ARL15: variants seen among roughly 807,000 people sequenced by gnomAD.
The protein encoded by ARL15 is ADP-ribosylation factor-like protein 15.
A neutral mutation model predicts 25.2 loss-of-function variants in ARL15; 19 were observed. The observed-to-expected ratio is 0.75, with a 90% CI of 0.53 to 1.10. The LOEUF (loss-of-function observed/expected upper bound fraction) is 1.10, where lower values mean the gene tolerates loss of function less well. ARL15 is among the 50% of genes least tolerant of loss of function. ARL15 has a pLI of 0.00. For missense variants in ARL15, 220 were observed against 246.0 expected (o/e 0.89, Z 0.71); for synonymous variants, 94 against 86.8 (o/e 1.08, Z -0.46).
At chr5:53,952,288 G>T (rs547590514) in intron 4 of ARL15, among the ~76,000 whole-genome samples, 5 of 152,128 alleles carry the variant, frequency 3.3e-5, no homozygotes, top group African/African-American at 1.2e-4. Flanking sequence ...AAACAAAAAA[G>T]AAGAGAGTGA....
At chr5:54,211,467 C>CAT in intron 1 of ARL15, among the ~76,000 whole-genome samples, 1 of 119,616 alleles carries the variant, frequency 8.4e-6, no homozygotes, top group Non-Finnish European at 1.7e-5. Context: ...AAATGAAACA[C>CAT]TTTTTTTTTT....
At chr5:53,914,475 C>G (rs1362819139) in intron 4 of ARL15, among the ~76,000 whole-genome samples, 1 of 152,204 alleles carries the variant, frequency 6.6e-6, no homozygotes, top group Non-Finnish European at 1.5e-5. Flanking sequence ...CACTTCCCTT[C>G]TTTGTTTTCC....
chr5:54,283,242 G>C (rs1758103082), intron 1 of ARL15, among the ~76,000 whole-genome samples: 1 of 152,180 alleles, frequency 6.6e-6, no homozygotes, highest in Non-Finnish European at 1.5e-5. Flanking sequence ...GACCCATTCT[G>C]CCAAAGGCTC....
intron 4 of ARL15, among the ~76,000 whole-genome samples, chr5:54,062,234 A>G (rs1751090346): frequency 6.6e-6 from 1 of 152,200 alleles, no homozygotes; most frequent in African/African-American, 2.4e-5. Flanking sequence ...GCCTTGTCTC[A>G]AATGAGGCTT....
At chr5:54,223,775 A>G (rs982519531) in intron 1 of ARL15, among the ~76,000 whole-genome samples, 3 of 152,176 alleles carry the variant, frequency 2.0e-5, no homozygotes, top group Non-Finnish European at 4.4e-5. Context: ...ATCTACCTCC[A>G]CGGTCTGTCT....
intron 1 of ARL15, among the ~76,000 whole-genome samples, chr5:54,218,382 A>G (rs1756275761): frequency 6.6e-6 from 1 of 152,188 alleles, no homozygotes; most frequent in Non-Finnish European, 1.5e-5. Flanking sequence ...GCTCCTACAG[A>G]CAAATCTCCT....
chr5:53,987,478 T>C (rs1748334770), intron 4 of ARL15, among the ~76,000 whole-genome samples: 1 of 136,788 alleles, frequency 7.3e-6, no homozygotes, highest in African/African-American at 2.6e-5. Flanking sequence ...CCTTTCACTT[T>C]TTTTTTTTTT....
At chr5:53,951,847 ATTTTTTTTTT>A (rs59369848) in intron 4 of ARL15, among the ~76,000 whole-genome samples, 3 of 98,220 alleles carry the variant, frequency 3.1e-5, no homozygotes, top group African/African-American at 7.7e-5. Context: ...ACATAAAAGA[ATTTTTTTTTT>A]TTTTTTTTTT....
chr5:53,900,802 CTG>C (rs1431602815), intron 4 of ARL15, among the ~76,000 whole-genome samples: 2 of 152,112 alleles, frequency 1.3e-5, no homozygotes, highest in Admixed American at 6.5e-5. Context: ...AGTTTCAAAA[CTG>C]TAGATATAAT....
intron 1 of ARL15, among the ~76,000 whole-genome samples, chr5:54,263,064 T>A (rs1393907024): frequency 6.6e-6 from 1 of 152,180 alleles, no homozygotes; most frequent in Non-Finnish European, 1.5e-5. Context: ...GGGAAAATGT[T>A]AAGGCAGAGA....
At chr5:54,098,429 G>A (rs1752349147) in intron 4 of ARL15, among the ~76,000 whole-genome samples, 1 of 152,030 alleles carries the variant, frequency 6.6e-6, no homozygotes, top group African/African-American at 2.4e-5. Context: ...CTCCGTCAAA[G>A]CACACAAAAT....
At chr5:54,198,610 A>C (rs1755625090) in intron 1 of ARL15, among the ~76,000 whole-genome samples, 1 of 148,964 alleles carries the variant, frequency 6.7e-6, no homozygotes, top group Non-Finnish European at 1.5e-5. Flanking sequence ...GACCTCTTCA[A>C]GGAGAACTAC....
intron 1 of ARL15, among the ~76,000 whole-genome samples, chr5:54,180,024 A>C (rs1176207598): frequency 6.6e-6 from 1 of 151,560 alleles, no homozygotes; most frequent in East Asian, 1.9e-4. Flanking sequence ...TCGAGAAAAA[A>C]AAAAAAAAAA....
At chr5:54,024,294 G>A (rs759259651) in intron 4 of ARL15, among the ~76,000 whole-genome samples, 1 of 152,136 alleles carries the variant, frequency 6.6e-6, no homozygotes, top group Non-Finnish European at 1.5e-5. Context: ...GTAACTTCCT[G>A]TGACTCTATA....
At chr5:54,175,444 C>T (rs1380350317) in intron 1 of ARL15, among the ~76,000 whole-genome samples, 1 of 151,902 alleles carries the variant, frequency 6.6e-6, no homozygotes, top group Non-Finnish European at 1.5e-5. Flanking sequence ...AAGTGATTCT[C>T]GTGCCTCGGC....
chr5:54,030,471 A>G (rs772799204), intron 4 of ARL15, among the ~76,000 whole-genome samples: 6 of 152,198 alleles, frequency 3.9e-5, no homozygotes, highest in Non-Finnish European at 7.4e-5. Flanking sequence ...GGATTTTTAC[A>G]TTTTGAACAC....
At chr5:54,279,444 A>G (rs1451387129) in intron 1 of ARL15, among the ~76,000 whole-genome samples, 2 of 152,142 alleles carry the variant, frequency 1.3e-5, no homozygotes, top group African/African-American at 2.4e-5. Flanking sequence ...ATGTCCTCAC[A>G]TGGCAGACAG....
intron 1 of ARL15, among the ~76,000 whole-genome samples, chr5:54,248,624 G>A (rs1757156330): frequency 6.6e-6 from 1 of 152,130 alleles, no homozygotes; most frequent in African/African-American, 2.4e-5. Context: ...TTACTTATTT[G>A]CTAATTGTAG....
intron 3 of ARL15, among the ~76,000 whole-genome samples, chr5:54,120,515 G>C (rs1015352343): frequency 5.3e-5 from 8 of 152,122 alleles, no homozygotes; most frequent in African/African-American, 1.9e-4. Flanking sequence ...CAGTACCCAA[G>C]AGAAACTGAA....
Sources: gnomAD v4.1 joint callset for allele counts (sites outside exome capture counted in the v4.1 genomes callset) on GRCh38, gnomAD v4.1.1 for gene constraint, MANE v1.5 for transcripts, NCBI Gene and HGNC (gene_info 2026-07-23, HGNC 2026-07-21) for gene names.